CDC16: variants seen among roughly 807,000 people sequenced by gnomAD.
CDC16 encodes cell division cycle 16.
Under a neutral mutation model 87.0 loss-of-function variants are expected in CDC16, and 34 were observed. The observed-to-expected ratio is 0.39, with a 90% CI of 0.30 to 0.52. CDC16 has a LOEUF of 0.52. Among genes scored for constraint, CDC16 ranks in the 20% least tolerant of loss-of-function variants. CDC16 has a pLI of 0.74. For missense variants in CDC16, 653 were observed against 751.9 expected (o/e 0.87, Z 1.54); for synonymous variants, 263 against 260.6 (o/e 1.01, Z -0.09).
chr13:114,260,801 A>G (rs1235476383), intron 14 of CDC16, among the ~76,000 whole-genome samples: 1 of 152,232 alleles, frequency 6.6e-6, no homozygotes, highest in Non-Finnish European at 1.5e-5. Flanking sequence ...TTTCATTCAC[A>G]TGGGCTGTGC....
At chr13:114,269,130 G>A (rs560723954) in intron 17 of CDC16, among the ~76,000 whole-genome samples, 2 of 152,152 alleles carry the variant, frequency 1.3e-5, no homozygotes, top group Admixed American at 6.5e-5. Flanking sequence ...TGCAGCTGTG[G>A]TCAGCAGATA....
rs372490472 is a variant in CDC16 at position 114,272,178 on chromosome 13, T to G, written c.1604-6T>G. 9.4e-5 allele frequency: 137 copies of G among 1,457,294 alleles called. No individual in the cohort carries two copies. The highest frequency in any genetic ancestry group is 1.2e-4 in the Non-Finnish European group (130 of 1,065,746). 90.3% of individuals were successfully genotyped at this position (1,457,294 alleles called of 1,614,324 possible). On this transcript the variant is annotated splice_region_variant and splice_polypyrimidine_tract_variant and intron_variant, in intron 17 of 17. Transcript: ENST00000356221. ...ATTTTATTCTAATTATAGTATTTCTTTTTAGGAGCAGACATTAAAGACAAA... is the reference window on the plus strand; with the variant it reads ...ATTTTATTCTAATTATAGTATTTCTGTTTAGGAGCAGACATTAAAGACAAA...
intron 3 of CDC16, among the ~76,000 whole-genome samples, chr13:114,237,213 ACT>A (rs2081298397): frequency 6.7e-6 from 1 of 149,526 alleles, no homozygotes; most frequent in South Asian, 2.1e-4. Flanking sequence ...ACAGAGCAAG[ACT>A]CTGTCTCAAA....
chr13:114,245,526 C>G (rs1260891897), intron 9 of CDC16, among the ~76,000 whole-genome samples: 2 of 152,162 alleles, frequency 1.3e-5, no homozygotes, highest in East Asian at 3.8e-4. Flanking sequence ...TTTGTGGAAG[C>G]TGGTTGGAAA....
At chr13:114,265,061 G>A in intron 16 of CDC16, 89 bp from the exon 17 acceptor site, 1 of 959,038 alleles carries the variant, frequency 1.0e-6, no homozygotes, top group Non-Finnish European at 1.7e-6. Context: ...CCCCACCCTG[G>A]ATGCCCTGGA....
intron 4 of CDC16, 133 bp from the exon 5 acceptor site, chr13:114,239,217 A>C: frequency 7.0e-7 from 1 of 1,434,646 alleles, no homozygotes; most frequent in Non-Finnish European, 9.4e-7. Context: ...GCTGACATGC[A>C]TGAAGAAAAT....
chr13:114,266,856 C>T (rs1041965629), intron 17 of CDC16, among the ~76,000 whole-genome samples: 6 of 151,918 alleles, frequency 3.9e-5, no homozygotes, highest in East Asian at 1.9e-4. Context: ...TCACCACGCC[C>T]GGCTAATTTT....
intron 12 of CDC16, among the ~76,000 whole-genome samples, chr13:114,254,376 A>G (rs573863708): frequency 2.0e-5 from 3 of 152,074 alleles, no homozygotes; most frequent in Admixed American, 6.6e-5. Flanking sequence ...TTATTATACT[A>G]TATCTTTTGA....
At chr13:114,272,150 C>A in intron 17 of CDC16, 34 bp from the exon 18 acceptor site, 5 of 1,207,272 alleles carry the variant, frequency 4.1e-6, no homozygotes, top group Non-Finnish European at 5.8e-6. Context: ...GATGGAATTT[C>A]TTATTTTATT....
intron 13 of CDC16, among the ~76,000 whole-genome samples, chr13:114,257,842 A>G (rs1440371883): frequency 6.6e-6 from 1 of 152,056 alleles, no homozygotes; most frequent in African/African-American, 2.4e-5. Context: ...GCTAGAGTGC[A>G]GTGGCGCATT....
At position 114,242,256 on chromosome 13, in the gene CDC16, C is replaced by G. The variant is rs1251102527; in HGVS notation, c.517C>G (p.His173Asp). 1 of 1,613,640 alleles carries G rather than the reference C, an allele frequency of 6.2e-7. No individual in the cohort carries two copies. Among genetic ancestry groups the G allele is most frequent in the South Asian group, 1.1e-5 (1 of 90,846 alleles). Reference protein sequence around the residue: ...CFEAFDLLTSHHMLTAQEEKE... With the variant: ...CFEAFDLLTSDHMLTAQEEKE... The stretch of plus-strand genomic sequence containing the variant: ...TGAAGCGTTCGATCTTTTAACATCA[C>G]ATCACATGCTGACAGCACAAGAAGG... Residue 173 changes from histidine (H) to aspartate (D), a missense_variant, in exon 6 of 18, where the codon CAT (histidine) becomes GAT (aspartate). Transcript: ENST00000356221.
At chr13:114,241,875 A>G (rs1298511582) in intron 5 of CDC16, among the ~76,000 whole-genome samples, 1 of 152,134 alleles carries the variant, frequency 6.6e-6, no homozygotes, top group African/African-American at 2.4e-5. Context: ...ACATAGCAAG[A>G]TTGTCTGTAC....
chr13:114,265,010 T>C (rs779901682), intron 16 of CDC16, 140 bp from the exon 17 acceptor site: 65 of 651,330 alleles, frequency 1.0e-4, no homozygotes, highest in Admixed American at 1.9e-4. Context: ...TTCAACAATC[T>C]TTGGTTCATG....
At chr13:114,254,327 A>C (rs769180467) in intron 12 of CDC16, among the ~76,000 whole-genome samples, 9 of 152,194 alleles carry the variant, frequency 5.9e-5, no homozygotes, top group Non-Finnish European at 1.2e-4. Flanking sequence ...TTTTGTGTTG[A>C]GTAAATATTT....
chr13:114,272,544 A>G lies in CDC16; in HGVS notation c.*101A>G. Reference sequence around the variant, plus strand: ...TGTCCCACTTCCTAACGTGACTCCAAACTGCATCTCTACATTTAGGAACAG... The same window carrying G: ...TGTCCCACTTCCTAACGTGACTCCAGACTGCATCTCTACATTTAGGAACAG... On this transcript the variant is annotated 3_prime_UTR_variant, in exon 18 of 18. Transcript: ENST00000356221. The G allele has an allele frequency of 1.0e-6, 1 of 996,410 alleles. No individual in the cohort carries two copies. The allele number at this position is 996,410 out of a possible 1,614,324, so 61.7% of individuals were successfully genotyped here. A position where few individuals can be genotyped will look rare whatever the true frequency, so the allele number is the denominator to read the frequency against.
rs1037012692 is a variant in CDC16, at chr13:114,250,410, T to C, written c.972-139T>C. 13 of 646,992 alleles carry C rather than the reference T, an allele frequency of 2.0e-5. No individual in the cohort carries two copies. In the African/African-American group the frequency reaches 2.2e-4, roughly 11 times the overall value. 40.1% of individuals were successfully genotyped at this position (646,992 alleles called of 1,614,324 possible). Reference sequence around the variant, plus strand: ...GGGAGGTTGAGGTAGGAGAATTGCTTGGTATCTGGAGGCGGAGGCTGCAGA... The same window carrying C: ...GGGAGGTTGAGGTAGGAGAATTGCTCGGTATCTGGAGGCGGAGGCTGCAGA... On this transcript the variant is annotated intron_variant, in intron 11 of 17. Coordinates refer to ENST00000356221, the MANE Select transcript of CDC16 (RefSeq NM_001078645.3).
rs78532506 is a variant in CDC16, at chr13:114,268,136, G to T, written c.1603+2896G>T. Among the ~76,000 whole-genome samples the T allele has an allele frequency of 6.0e-3, 872 of 145,112 alleles. 1 individual carries two copies. Among genetic ancestry groups the T allele is most frequent in the Non-Finnish European group, 0.01 (684 of 67,998 alleles). ...GGGTCCCGAGTTGGAAAAGGGAAAG[G>T]GGGGGGAGTTCCCCTATGTAGAGCA... On this transcript the variant is annotated intron_variant, in intron 17 of 17. Transcript: ENST00000356221.
chr13:114,236,612 C>T, intron 1 of CDC16, 33 bp from the exon 2 acceptor site: 4 of 1,588,524 alleles, frequency 2.5e-6, no homozygotes, highest in Non-Finnish European at 3.4e-6. Flanking sequence ...AATAACAGGG[C>T]AGTTACCACC....
chr13:114,242,129 T>C lies in CDC16; in HGVS notation c.390T>C (p.Ser130=), dbSNP rs1159735150. ...CATCATTTTTCCAACAGATAAAGAG[T>C]TCTATCTGTCTTCTACGCGGGAAAA... is the stretch of plus-strand genomic sequence containing the variant. ...DWEMSQSSIK[S]SICLLRGKIY... is the part of the protein sequence containing the mutation. The change falls in exon 6 of 18, where the codon AGT becomes AGC. Residue 130 remains serine, a synonymous_variant. Transcript: ENST00000356221. The C allele has an allele frequency of 6.2e-7, 1 of 1,603,676 alleles. No homozygotes were observed. Among genetic ancestry groups the C allele is most frequent in the Admixed American group, 1.8e-5 (1 of 56,992 alleles).
Sources: allele counts gnomAD v4.1 joint callset (sites outside exome capture counted in the v4.1 genomes callset), GRCh38; gene constraint gnomAD v4.1.1; transcripts MANE v1.5; gene names NCBI Gene and HGNC (gene_info 2026-07-23, HGNC 2026-07-21).